Variants in KIF9 observed in about 807,000 individuals in gnomAD.
KIF9 encodes kinesin family member 9, also known as kinesin-like protein KIF9.
KIF9 carries 68 observed loss-of-function variants against 94.8 expected under a neutral mutation model. The ratio of observed to expected loss-of-function variants is 0.72; its 90% confidence interval spans 0.59 to 0.88. KIF9 has a LOEUF of 0.88. Ranked by LOEUF, KIF9 falls within the 40% of genes least tolerant of loss-of-function variation. The pLI, the probability that KIF9 is intolerant of heterozygous loss-of-function variation, is 0.00. For synonymous variants in KIF9, 343 were observed against 362.1 expected (o/e 0.95, Z 0.60); for missense variants, 882 against 982.5 (o/e 0.90, Z 1.37).
chr3:47,275,588 G>A (rs912572019), intron 2 of KIF9, 98 bp from the exon 3 acceptor site: 4 of 870,316 alleles, frequency 4.6e-6, no homozygotes, highest in African/African-American at 1.7e-5. Context: ...AGGGAACAGA[G>A]GAAATGAACT....
chr3:47,233,870 ACC>A (rs1159989715), intron 20 of KIF9, among the ~76,000 whole-genome samples: 1 of 152,016 alleles, frequency 6.6e-6, no homozygotes, highest in Non-Finnish European at 1.5e-5. Context: ...CGGGTCGATC[ACC>A]TGAGGTCAGG....
chr3:47,236,291 T>A, intron 18 of KIF9, 142 bp from the exon 19 acceptor site: 1 of 1,027,488 alleles, frequency 9.7e-7, no homozygotes, highest in East Asian at 2.6e-5. Context: ...TCTCTGGCCC[T>A]CACAGTCCTG....
At chr3:47,256,281 C>T (rs1388789596) in intron 10 of KIF9, among the ~76,000 whole-genome samples, 1 of 152,032 alleles carries the variant, frequency 6.6e-6, no homozygotes, top group Non-Finnish European at 1.5e-5. Flanking sequence ...TGAGGAGCGT[C>T]TCTGCCCGGC....
intron 17 of KIF9, among the ~76,000 whole-genome samples, chr3:47,240,400 G>A (rs933435510): frequency 2.6e-5 from 4 of 152,038 alleles, no homozygotes; most frequent in African/African-American, 9.7e-5. Flanking sequence ...CCTACCAGCA[G>A]CCCCACCTCA....
chr3:47,245,244 AT>A, intron 14 of KIF9, 176 bp downstream of exon 14: 2 of 634,996 alleles, frequency 3.1e-6, no homozygotes, highest in Non-Finnish European at 5.6e-6. Flanking sequence ...TATGGAAATT[AT>A]TTTTAATTCA....
At position 47,271,244 on chromosome 3, in the gene KIF9, A is replaced by T. The variant is rs755239551; in HGVS notation, c.584T>A (p.Leu195His). 1.9e-6 allele frequency: 3 copies of T among 1,611,582 alleles called. No homozygotes were observed. The highest frequency in any genetic ancestry group is 2.2e-5 in the East Asian group (1 of 44,860). The change falls in exon 5 of 21, where the codon CTT becomes CAT. Residue 195 changes from leucine (L) to histidine (H), a missense_variant. Leu to His is a moderately conservative substitution (Grantham distance 99). Transcript: ENST00000684063. ...CAGGTTTTATTATCTCACCTCAAAAAGGAGGCTGAATGCATCCTCCTCCTG... is the reference window on the plus strand; with the variant it reads ...CAGGTTTTATTATCTCACCTCAAAATGGAGGCTGAATGCATCCTCCTCCTG... ...TSQEEDAFSL[L>H]FEGETNRIIA...
chr3:47,258,752 C>T (rs887661743), intron 9 of KIF9, among the ~76,000 whole-genome samples: 2 of 152,216 alleles, frequency 1.3e-5, no homozygotes, highest in Admixed American at 1.3e-4. Flanking sequence ...GCCCCCAAAG[C>T]AGATGCTGCC....
In KIF9 at chr3:47,228,477, G is replaced by T; in HGVS notation, c.*175C>A. On this transcript the variant is annotated 3_prime_UTR_variant, in exon 21 of 21. Transcript: ENST00000684063. ...AAAACCCAAAGTGCTCTGTGGAGAT[G>T]AGCAAGGTTGTCCTTGGAGGATGCT... 1 of 675,600 alleles carries T rather than the reference G, an allele frequency of 1.5e-6. No individual in the cohort carries two copies. The highest frequency in any genetic ancestry group is 2.7e-6 in the Non-Finnish European group (1 of 371,624). 41.9% of individuals were successfully genotyped at this position (675,600 alleles called of 1,614,324 possible).
chr3:47,245,534 C>T (rs773995501), intron 13 of KIF9, 23 bp from the exon 14 acceptor site: 29 of 1,576,784 alleles, frequency 1.8e-5, no homozygotes, highest in South Asian at 4.4e-5. Context: ...CAAGAGAGAA[C>T]AGCTTGTACC....
intron 3 of KIF9, among the ~76,000 whole-genome samples, chr3:47,274,185 G>GA (rs1701821492): frequency 6.6e-6 from 1 of 152,188 alleles, no homozygotes; most frequent in Non-Finnish European, 1.5e-5. Flanking sequence ...ATTCCTGCAG[G>GA]ATGAAACAGG....
chr3:47,257,451 A>C (rs375682610), intron 10 of KIF9, 32 bp downstream of exon 10: 3 of 1,592,938 alleles, frequency 1.9e-6, no homozygotes, highest in Non-Finnish European at 2.6e-6. Context: ...CTTTCCCCAC[A>C]GTGGGACACC....
chr3:47,240,525 G>T (rs932382029), intron 17 of KIF9, among the ~76,000 whole-genome samples: 8 of 152,168 alleles, frequency 5.3e-5, no homozygotes, highest in Non-Finnish European at 8.8e-5. Context: ...TGTTTCACCA[G>T]GGACAGTAGC....
At chr3:47,233,198 T>C in intron 20 of KIF9, among the ~76,000 whole-genome samples, 1 of 146,558 alleles carries the variant, frequency 6.8e-6, no homozygotes, top group South Asian at 2.2e-4. Flanking sequence ...CTGTCTTTAC[T>C]TAAAATACAA....
chr3:47,261,115 A>C (rs918116598), intron 9 of KIF9, among the ~76,000 whole-genome samples: 1 of 152,214 alleles, frequency 6.6e-6, no homozygotes, highest in African/African-American at 2.4e-5. Context: ...AGCCTTTGCT[A>C]CTCAGTAACA....
At chr3:47,255,849 C>T (rs1351726485) in intron 10 of KIF9, among the ~76,000 whole-genome samples, 4 of 152,210 alleles carry the variant, frequency 2.6e-5, no homozygotes, top group African/African-American at 9.6e-5. Context: ...CGGCTCACTG[C>T]AACCTCCCTG....
rs1395394609 is a variant in KIF9 at position 47,273,534 on chromosome 3, C to CA, written c.366+17_366+18insT. On this transcript the variant is annotated intron_variant, in intron 4 of 20. Transcript: ENST00000684063. ...GAGGGAACCTGTGTGGCATCCCACCCTTGGGCCCACTCTCTACCTGCTGCA... is the reference window on the plus strand; with the variant it reads ...GAGGGAACCTGTGTGGCATCCCACCCATTGGGCCCACTCTCTACCTGCTGCA... 15 of 1,571,728 alleles carry CA rather than the reference C, an allele frequency of 9.5e-6. No homozygotes were observed. Among genetic ancestry groups the CA allele is most frequent in the Non-Finnish European group, 1.3e-5 (15 of 1,154,656 alleles).
intron 19 of KIF9, 78 bp from the exon 20 acceptor site, chr3:47,235,695 C>G: frequency 8.3e-7 from 1 of 1,202,048 alleles, no homozygotes; most frequent in Non-Finnish European, 1.2e-6. Context: ...TCAGGGCAGT[C>G]CCTTGCTGGG....
rs1469839486 is a variant in KIF9, at chr3:47,276,930, C to T, written c.93+352G>A. On this transcript the variant is annotated intron_variant, in intron 2 of 20. Coordinates refer to ENST00000684063, the MANE Select transcript of KIF9 (RefSeq NM_182902.4). ...TTTTGATAAGCTAAACAGTAATGAA[C>T]TCAAGATATTCTTACTGCACCCCAT... 2.0e-5 allele frequency among the ~76,000 whole-genome samples: 3 copies of T among 150,552 alleles called. No homozygotes were observed. In the East Asian group the frequency reaches 5.9e-4, roughly 30 times the overall value.
intron 9 of KIF9, among the ~76,000 whole-genome samples, chr3:47,259,409 A>G (rs577625247): frequency 6.6e-6 from 1 of 152,342 alleles, no homozygotes; most frequent in East Asian, 1.9e-4. Flanking sequence ...GCCTCCCTTC[A>G]GCAAGGCTTA....
Sources: gnomAD v4.1 joint callset for allele counts (sites outside exome capture counted in the v4.1 genomes callset) on GRCh38, gnomAD v4.1.1 for gene constraint, MANE v1.5 for transcripts, NCBI Gene and HGNC (gene_info 2026-07-23, HGNC 2026-07-21) for gene names.